HCN1: variants seen among roughly 807,000 people sequenced by gnomAD.
HCN1 encodes hyperpolarization activated cyclic nucleotide gated potassium channel 1.
A neutral mutation model predicts 78.9 loss-of-function variants in HCN1; 13 were observed. The observed-to-expected ratio is 0.16, with a 90% confidence interval of 0.11 to 0.26. The LOEUF (loss-of-function observed/expected upper bound fraction) is 0.26, where lower values mean the gene tolerates loss of function less well. HCN1 is among the 10% of genes least tolerant of loss of function. The pLI is 1.00. For synonymous variants in HCN1, 552 were observed against 455.5 expected, an observed-to-expected ratio of 1.21 and a Z score of -2.70; for missense variants, 810 against 1,154.3, an observed-to-expected ratio of 0.70 and a Z score of 4.32.
At chr5:45,607,937 CTAAT>C (rs1399991252) in intron 2 of HCN1, among the ~76,000 whole-genome samples, 1 of 151,694 alleles carries the variant, frequency 6.6e-6, no homozygotes, top group Non-Finnish European at 1.5e-5. Flanking sequence ...AAACAAAACT[CTAAT>C]TAGCCACAGA....
rs1296879485 is a variant in HCN1 at position 45,262,089 on chromosome 5, G to A, written c.2505C>T (p.Val835=). Residue 835 remains valine (V), a synonymous_variant, in exon 8 of 8, where the codon GTC becomes GTT. Transcript: ENST00000303230. ...TGLQAGGRST[V]PQRVTLFRQM... ...GTCGGAAGAGGGTGACGCGCTGCGG[G>A]ACAGTGCTCCTGCCCCCTGCCTGAA... 8.7e-6 allele frequency: 14 copies of A among 1,613,212 alleles called. No individual in the cohort carries two copies. The highest frequency in any genetic ancestry group is 1.2e-5 in the Non-Finnish European group (14 of 1,179,482).
chr5:45,524,617 C>A (rs1266643842), intron 2 of HCN1, among the ~76,000 whole-genome samples: 1 of 152,060 alleles, frequency 6.6e-6, no homozygotes, highest in Admixed American at 6.6e-5. Context: ...CTCTTTGAAG[C>A]AATTGTGAAT....
chr5:45,499,915 C>A (rs1053045640), intron 2 of HCN1, among the ~76,000 whole-genome samples: 2 of 152,110 alleles, frequency 1.3e-5, no homozygotes, highest in African/African-American at 4.8e-5. Context: ...GACCTATACA[C>A]ATAAAAATGC....
chr5:45,505,822 T>C (rs1470326401), intron 2 of HCN1, among the ~76,000 whole-genome samples: 1 of 152,192 alleles, frequency 6.6e-6, no homozygotes, highest in African/African-American at 2.4e-5. Flanking sequence ...CTATTCATAA[T>C]ATTTTTATCA....
intron 4 of HCN1, among the ~76,000 whole-genome samples, chr5:45,361,581 G>A (rs1747110610): frequency 6.6e-6 from 1 of 152,138 alleles, no homozygotes; most frequent in African/African-American, 2.4e-5. Flanking sequence ...CAAAGTGCTG[G>A]GATATTACAA....
At chr5:45,659,416 C>G (rs1369460608) in intron 1 of HCN1, among the ~76,000 whole-genome samples, 1 of 107,236 alleles carries the variant, frequency 9.3e-6, no homozygotes, top group Admixed American at 9.2e-5. Flanking sequence ...TCCAAAGGAA[C>G]GCAGTTCCTC....
chr5:45,374,056 TATATATATA>T (rs1420636205), intron 4 of HCN1, among the ~76,000 whole-genome samples: 5 of 72,278 alleles, frequency 6.9e-5, no homozygotes, highest in East Asian at 3.7e-4. Context: ...TTATATATAT[TATATATATA>T]ATATATATAA....
At chr5:45,402,500 G>C (rs967310348) in intron 3 of HCN1, among the ~76,000 whole-genome samples, 2 of 152,160 alleles carry the variant, frequency 1.3e-5, no homozygotes, top group African/African-American at 4.8e-5. Flanking sequence ...AAAAAATTGG[G>C]AGGTCCAAAA....
At chr5:45,473,247 C>T (rs566919140) in intron 2 of HCN1, among the ~76,000 whole-genome samples, 33 of 151,986 alleles carry the variant, frequency 2.2e-4, no homozygotes, top group Admixed American at 9.9e-4. Context: ...CTCGAGAGAA[C>T]CTTACAACTG....
chr5:45,537,486 C>G (rs1044234105), intron 2 of HCN1, among the ~76,000 whole-genome samples: 1 of 66,256 alleles, frequency 1.5e-5, no homozygotes, highest in Non-Finnish European at 3.2e-5. Flanking sequence ...TGGTGTTTTA[C>G]TGTTGTTTGT....
chr5:45,458,741 T>C (rs1720549043), intron 3 of HCN1, among the ~76,000 whole-genome samples: 1 of 152,160 alleles, frequency 6.6e-6, no homozygotes, highest in South Asian at 2.1e-4. Flanking sequence ...TGACATTGAC[T>C]ATTCATTTAA....
rs565341741 is a variant in HCN1 at position 45,593,211 on chromosome 5, C to T, written c.849+51974G>A. The stretch of plus-strand genomic sequence containing the variant: ...AGTTGCACGCGCGCATGCACGCACG[C>T]GCACACACACACACACACACACAGA... On this transcript the variant is annotated intron_variant, in intron 2 of 7. Coordinates refer to ENST00000303230, the MANE Select transcript of HCN1 (RefSeq NM_021072.4). 3.0e-3 allele frequency among the ~76,000 whole-genome samples: 248 copies of T among 83,594 alleles called. 1 individual carries two copies. Among genetic ancestry groups the T allele is most frequent in the Non-Finnish European group, 4.2e-3 (134 of 31,860 alleles). 54.8% of individuals were successfully genotyped at this position (83,594 alleles called of 152,430 possible).
chr5:45,528,591 A>C (rs536317065), intron 2 of HCN1, among the ~76,000 whole-genome samples: 1 of 152,136 alleles, frequency 6.6e-6, no homozygotes, highest in Non-Finnish European at 1.5e-5. Flanking sequence ...GAGATGAAGT[A>C]ACCTTCCAAA....
chr5:45,554,916 G>A (rs1250929885), intron 2 of HCN1, among the ~76,000 whole-genome samples: 3 of 151,760 alleles, frequency 2.0e-5, no homozygotes, highest in African/African-American at 4.8e-5. Context: ...AAACTATGGA[G>A]CTCAGGCATA....
At chr5:45,503,013 T>C (rs1277983133) in intron 2 of HCN1, among the ~76,000 whole-genome samples, 1 of 152,172 alleles carries the variant, frequency 6.6e-6, no homozygotes, top group Non-Finnish European at 1.5e-5. Context: ...TTAAAGTGAA[T>C]AAACAAATAA....
chr5:45,316,566 C>A (rs931606736), intron 5 of HCN1, among the ~76,000 whole-genome samples: 2 of 151,974 alleles, frequency 1.3e-5, no homozygotes, highest in African/African-American at 4.8e-5. Flanking sequence ...CTGGCCAGGG[C>A]AATCAGGCAG....
At chr5:45,404,047 G>C (rs183422972) in intron 3 of HCN1, among the ~76,000 whole-genome samples, 1 of 151,906 alleles carries the variant, frequency 6.6e-6, no homozygotes, top group Admixed American at 6.6e-5. Flanking sequence ...GCCCCACTTC[G>C]GGCATCCTGT....
At chr5:45,268,954 A>G (rs1310735326) in intron 6 of HCN1, among the ~76,000 whole-genome samples, 1 of 152,242 alleles carries the variant, frequency 6.6e-6, no homozygotes, top group African/African-American at 2.4e-5. Flanking sequence ...TACTAATGCC[A>G]TATAATTATA....
intron 4 of HCN1, among the ~76,000 whole-genome samples, chr5:45,382,841 C>T (rs1404815862): frequency 6.6e-6 from 1 of 152,098 alleles, no homozygotes; most frequent in Non-Finnish European, 1.5e-5. Context: ...CCCAATTCTT[C>T]ACTGATGCAC....
Sources: allele counts gnomAD v4.1 joint callset (sites outside exome capture counted in the v4.1 genomes callset), GRCh38; gene constraint gnomAD v4.1.1; transcripts MANE v1.5; gene names NCBI Gene and HGNC (gene_info 2026-07-23, HGNC 2026-07-21).